CFAP20DC: variants seen among roughly 807,000 people sequenced by gnomAD.
CFAP20DC encodes the protein CFAP20 domain containing.
In CFAP20DC, 84 loss-of-function variants were observed where a neutral mutation model predicts 101.7. The ratio of observed to expected loss-of-function variants is 0.83; its 90% confidence interval spans 0.69 to 0.99. The LOEUF is 0.99. CFAP20DC is among the 50% of genes least tolerant of loss of function. The pLI, the probability that CFAP20DC is intolerant of heterozygous loss-of-function variation, is 0.00. For synonymous variants in CFAP20DC, 359 were observed against 351.2 expected (o/e 1.02, Z -0.25); for missense variants, 1,007 against 970.3 (o/e 1.04, Z -0.50).
chr3:58,890,032 A>C (rs1468484877), intron 6 of CFAP20DC, among the ~76,000 whole-genome samples: 7 of 148,010 alleles, frequency 4.7e-5, no homozygotes, highest in African/African-American at 1.8e-4. Flanking sequence ...CAAAGCCGCC[A>C]TTGTCATCCT....
chr3:58,764,538 C>G (rs527513101), intron 15 of CFAP20DC, among the ~76,000 whole-genome samples: 1 of 152,206 alleles, frequency 6.6e-6, no homozygotes, highest in African/African-American at 2.4e-5. Context: ...ACTGCACCCA[C>G]TGTCCGATAC....
intron 14 of CFAP20DC, among the ~76,000 whole-genome samples, chr3:58,819,491 C>T (rs1190050434): frequency 6.7e-6 from 1 of 149,364 alleles, no homozygotes; most frequent in African/African-American, 2.5e-5. Context: ...ATACAAACTA[C>T]CATCAGAGAA....
At chr3:58,976,604 G>C (rs1559928886) in intron 4 of CFAP20DC, among the ~76,000 whole-genome samples, 1 of 152,156 alleles carries the variant, frequency 6.6e-6, no homozygotes, top group African/African-American at 2.4e-5. Context: ...CATCACAAGA[G>C]GTCCTCTAAT....
At chr3:58,904,646 C>A (rs1328716721) in intron 6 of CFAP20DC, among the ~76,000 whole-genome samples, 1 of 152,158 alleles carries the variant, frequency 6.6e-6, no homozygotes, top group Non-Finnish European at 1.5e-5. Context: ...ACCACAAAAT[C>A]ATTCTGATTA....
intron 4 of CFAP20DC, among the ~76,000 whole-genome samples, chr3:58,996,879 C>G: frequency 6.6e-6 from 1 of 152,316 alleles, no homozygotes; most frequent in East Asian, 1.9e-4. Flanking sequence ...GGCATGCCCA[C>G]TGGGAAGAGC....
intron 15 of CFAP20DC, among the ~76,000 whole-genome samples, chr3:58,777,365 T>C (rs1381395681): frequency 6.6e-6 from 1 of 152,194 alleles, no homozygotes; most frequent in East Asian, 1.9e-4. Context: ...ACAACCACCT[T>C]GGGCACATGT....
rs1028250758 is a variant in CFAP20DC, at chr3:58,736,241, T to C, written c.197+17528A>G. Among the ~76,000 whole-genome samples, 5 of 152,122 alleles carry C rather than the reference T, an allele frequency of 3.3e-5. No homozygotes were observed. In the East Asian group the frequency reaches 7.7e-4, roughly 23 times the overall value. ...ATCAATTTCTTTGGCCAAAAAAGTT[T>C]TAAAGGAAAAAGGAAGCTCTCTTCA... On this transcript the variant is annotated intron_variant, in intron 3 of 3. Coordinates refer to the CFAP20DC transcript ENST00000486145.
At chr3:58,828,724 C>G (rs2076202887) in intron 14 of CFAP20DC, among the ~76,000 whole-genome samples, 1 of 151,866 alleles carries the variant, frequency 6.6e-6, no homozygotes, top group Non-Finnish European at 1.5e-5. Flanking sequence ...ATGAATGAAT[C>G]ATTTGTACCC....
intron 4 of CFAP20DC, chr3:59,018,299 C>A (rs967060218): frequency 1.3e-5 from 2 of 151,992 alleles, no homozygotes; most frequent in African/African-American, 4.8e-5. Context: ...TTAGTTCAGG[C>A]AAGAATCATC....
chr3:58,798,722 T>C (rs2073440593), intron 15 of CFAP20DC, among the ~76,000 whole-genome samples: 1 of 152,140 alleles, frequency 6.6e-6, no homozygotes, highest in Admixed American at 6.5e-5. Flanking sequence ...AACTTCATTG[T>C]TGTCTTATTT....
At chr3:58,737,628 C>T (rs1308490039), downstream of CFAP20DC, among the ~76,000 whole-genome samples, 1 of 152,126 alleles carries the variant, frequency 6.6e-6, no homozygotes, top group African/African-American at 2.4e-5. This position sits in a 1 kb window ranked among gnomAD's most constrained non-coding sequence, Gnocchi z 4.1. Flanking sequence ...TACCACTAGT[C>T]CAGTATTTTC....
At chr3:58,748,460 A>G (rs1017349149) in intron 16 of CFAP20DC, among the ~76,000 whole-genome samples, 3 of 152,064 alleles carry the variant, frequency 2.0e-5, no homozygotes, top group African/African-American at 7.2e-5. Context: ...AGTGGCCCTG[A>G]AAAGAAGGCA....
Position 58,799,019 on chromosome 3 carries a change from G to T in CFAP20DC, c.2237+7376C>A, listed in dbSNP as rs543724543. Reference sequence around the variant, plus strand: ...TTGTGATTTTTGCTTTACTGTGGTGGTCTGAAACTCAACCTACAATATCTC... The same window carrying T: ...TTGTGATTTTTGCTTTACTGTGGTGTTCTGAAACTCAACCTACAATATCTC... On this transcript the variant is annotated intron_variant, in intron 15 of 16. Coordinates refer to ENST00000482387, the MANE Select transcript of CFAP20DC (RefSeq NM_001394063.1). This position sits in a 1 kb window ranked among gnomAD's most constrained non-coding sequence, Gnocchi z 4.9. 1.3e-5 allele frequency among the ~76,000 whole-genome samples: 2 copies of T among 152,240 alleles called. No individual in the cohort carries two copies. The highest frequency in any genetic ancestry group is 4.8e-5 in the African/African-American group (2 of 41,534).
chr3:59,049,467 A>G (rs1700137026), intron 1 of CFAP20DC, 144 bp downstream of exon 1: 2 of 833,444 alleles, frequency 2.4e-6, no homozygotes, highest in East Asian at 5.3e-5. Context: ...CTGGGTCAAC[A>G]GCATTCACCC....
intron 4 of CFAP20DC, among the ~76,000 whole-genome samples, chr3:58,949,619 T>C (rs2089834022): frequency 6.6e-6 from 1 of 152,166 alleles, no homozygotes; most frequent in African/African-American, 2.4e-5. Context: ...TCCTGAGTTA[T>C]AGTTTGATTG....
In CFAP20DC at chr3:58,764,304, C is replaced by T. The variant is rs1336328092; in HGVS notation, c.2238-10441G>A. Among the ~76,000 whole-genome samples, 5 of 152,230 alleles carry T rather than the reference C, an allele frequency of 3.3e-5. No homozygotes were observed. In the South Asian group the frequency reaches 6.2e-4, roughly 19 times the overall value. ...CTCAGACTGCTGTGCTAGCAATAAGCGAGGCTCCGTTGGTGTAGGATCCTC... is the reference window on the plus strand; with the variant it reads ...CTCAGACTGCTGTGCTAGCAATAAGTGAGGCTCCGTTGGTGTAGGATCCTC... On this transcript the variant is annotated intron_variant, in intron 15 of 16. Transcript: ENST00000482387.
intron 6 of CFAP20DC, among the ~76,000 whole-genome samples, chr3:58,885,860 G>A (rs904151010): frequency 4.0e-5 from 6 of 151,718 alleles, no homozygotes; most frequent in Non-Finnish European, 5.9e-5. Flanking sequence ...TTCATCTGTT[G>A]TTGGACACCT....
At chr3:58,990,585 A>G (rs1258747375) in intron 4 of CFAP20DC, among the ~76,000 whole-genome samples, 2 of 152,134 alleles carry the variant, frequency 1.3e-5, no homozygotes, top group Admixed American at 1.3e-4. Context: ...TTCCTAAAGT[A>G]GATCTTTCTG....
At chr3:58,834,756 G>C (rs756888703) in intron 13 of CFAP20DC, among the ~76,000 whole-genome samples, 1 of 152,088 alleles carries the variant, frequency 6.6e-6, no homozygotes, top group African/African-American at 2.4e-5. Context: ...AGAGGCACCT[G>C]ACAAACAAAT....
Sources: allele counts gnomAD v4.1 joint callset (sites outside exome capture counted in the v4.1 genomes callset), GRCh38; gene constraint gnomAD v4.1.1; non-coding constraint Gnocchi (gnomAD v3.1); transcripts MANE v1.5; gene names NCBI Gene and HGNC (gene_info 2026-07-23, HGNC 2026-07-21).